SLC14A2: variants seen among roughly 807,000 people sequenced by gnomAD.
The protein encoded by SLC14A2 is solute carrier family 14 member 2.
Under a neutral mutation model 104.6 loss-of-function variants are expected in SLC14A2, and 91 were observed. That is an observed-to-expected ratio of 0.87 (90% CI 0.73 to 1.04). The LOEUF is 1.04. Among genes scored for constraint, SLC14A2 ranks in the 50% least tolerant of loss-of-function variants. The pLI, the probability that SLC14A2 is intolerant of heterozygous loss-of-function variation, is 0.00. For missense variants in SLC14A2, 1,189 were observed against 1,156.0 expected, an observed-to-expected ratio of 1.03 and a Z score of -0.41; for synonymous variants, 476 against 466.4, an observed-to-expected ratio of 1.02 and a Z score of -0.27.
intron 1 of SLC14A2, among the ~76,000 whole-genome samples, chr18:45,405,503 A>G (rs1201573223): frequency 6.6e-6 from 1 of 152,202 alleles, no homozygotes; most frequent in Non-Finnish European, 1.5e-5. Context: ...CCCAGTGCAT[A>G]TGAAAGTTAT....
chr18:45,298,185 G>A (rs2084934970), intron 1 of SLC14A2, among the ~76,000 whole-genome samples: 1 of 152,110 alleles, frequency 6.6e-6, no homozygotes, highest in Admixed American at 6.5e-5. Flanking sequence ...AAAATAGCAG[G>A]AGAGATCATT....
intron 1 of SLC14A2, among the ~76,000 whole-genome samples, chr18:45,453,180 C>A (rs1415460320): frequency 2.0e-5 from 3 of 152,242 alleles, no homozygotes; most frequent in Admixed American, 2.0e-4. Context: ...CCTGGGAAGC[C>A]CAGCCCTCAA....
At chr18:45,334,315 C>A (rs548203250) in intron 1 of SLC14A2, among the ~76,000 whole-genome samples, 39 of 152,298 alleles carry the variant, frequency 2.6e-4, no homozygotes, top group African/African-American at 9.4e-4. Flanking sequence ...CTTTAGACCC[C>A]AACCAGTAGC....
In SLC14A2 at chr18:45,548,222, C is replaced by T. The variant is rs115697278; in HGVS notation, c.-35+64900C>T. ...GCCTGCCCTGTGATGTCATCCTGGG[C>T]TTAGGCTAAGAATGGAGTTTGGAGT... On this transcript the variant is annotated intron_variant, in intron 2 of 20. Coordinates refer to the SLC14A2 transcript ENST00000586448. 2.7e-3 allele frequency among the ~76,000 whole-genome samples: 412 copies of T among 152,256 alleles called. 3 individuals are homozygous for T. The highest frequency in any genetic ancestry group is 9.0e-3 in the African/African-American group (375 of 41,546).
At chr18:45,495,102 T>C (rs752483027) in intron 2 of SLC14A2, among the ~76,000 whole-genome samples, 2 of 152,022 alleles carry the variant, frequency 1.3e-5, no homozygotes, top group Non-Finnish European at 2.9e-5. Context: ...CTGCATACGC[T>C]GCATCCTGTC....
chr18:45,437,913 CT>C (rs1309620275), intron 1 of SLC14A2, among the ~76,000 whole-genome samples: 1 of 152,194 alleles, frequency 6.6e-6, no homozygotes, highest in African/African-American at 2.4e-5. Context: ...ATGCGATACC[CT>C]GCTGTCTTCC....
At chr18:45,409,719 AT>A (rs1302104004) in intron 1 of SLC14A2, among the ~76,000 whole-genome samples, 2 of 152,060 alleles carry the variant, frequency 1.3e-5, no homozygotes, top group African/African-American at 4.8e-5. Context: ...GTAAAAAATG[AT>A]TTGTGCTTTT....
Position 45,668,545 on chromosome 18 carries a change from G to A in SLC14A2, c.2036+68G>A, listed in dbSNP as rs143719172. On this transcript the variant is annotated intron_variant, in intron 15 of 19. Transcript: ENST00000255226. The stretch of plus-strand genomic sequence containing the variant: ...ACCAACCTTTTCATCCCAATCCCAT[G>A]ACCGTCTGTCTAAACGTGATATTAA... 1.2e-3 allele frequency: 1,854 copies of A among 1,547,564 alleles called. 24 individuals are homozygous for A. The African/African-American group carries it at 0.022, about 18-fold the overall frequency.
intron 1 of SLC14A2, among the ~76,000 whole-genome samples, chr18:45,394,424 T>C (rs1270836103): frequency 1.3e-5 from 2 of 152,202 alleles, no homozygotes; most frequent in East Asian, 1.9e-4. Context: ...ATTAAATATA[T>C]ATGAAATTTG....
At chr18:45,672,395 G>A (rs892232416) in intron 16 of SLC14A2, among the ~76,000 whole-genome samples, 10 of 152,092 alleles carry the variant, frequency 6.6e-5, no homozygotes, top group South Asian at 2.1e-4. Context: ...CAGGCATGGC[G>A]GCATATGCCT....
intron 1 of SLC14A2, among the ~76,000 whole-genome samples, chr18:45,339,394 C>T (rs1377995296): frequency 2.6e-5 from 4 of 152,160 alleles, no homozygotes; most frequent in Non-Finnish European, 4.4e-5. Context: ...CTGGTCATAA[C>T]GAGAAATAAA....
the SLC14A2 span, among the ~76,000 whole-genome samples, chr18:45,202,922 AAGG>A: frequency 6.6e-6 from 1 of 152,182 alleles, no homozygotes. Flanking sequence ...AAAGAAAAAA[AAGG>A]AGGAAACCAT....
intron 1 of SLC14A2, among the ~76,000 whole-genome samples, chr18:45,420,539 A>G (rs1417393814): frequency 6.6e-6 from 1 of 152,178 alleles, no homozygotes; most frequent in East Asian, 1.9e-4. Flanking sequence ...AGAAGATGAT[A>G]CTACCCTGTT....
At chr18:45,396,619 T>A (rs1461041050) in intron 1 of SLC14A2, among the ~76,000 whole-genome samples, 4 of 143,710 alleles carry the variant, frequency 2.8e-5, no homozygotes, top group Non-Finnish European at 5.9e-5. Context: ...TCAACCTGGT[T>A]TTTTTTTGTT....
chr18:45,597,069 G>A lies in SLC14A2; in HGVS notation c.-34-27562G>A, dbSNP rs568317113. Reference sequence around the variant, plus strand: ...CAGCCGGGCACGGTGGCTCATGCCAGCACGTTGGGAGGCCGAGGCGGGTGG... The same window carrying A: ...CAGCCGGGCACGGTGGCTCATGCCAACACGTTGGGAGGCCGAGGCGGGTGG... On this transcript the variant is annotated intron_variant, in intron 2 of 20. Transcript: ENST00000586448. Among the ~76,000 whole-genome samples, 4 of 152,364 alleles carry A rather than the reference G, an allele frequency of 2.6e-5. No individual in the cohort carries two copies. The East Asian group carries it at 7.7e-4, about 29-fold the overall frequency.
intron 1 of SLC14A2, among the ~76,000 whole-genome samples, chr18:45,234,035 A>G (rs1453176481): frequency 6.6e-6 from 1 of 152,054 alleles, no homozygotes; most frequent in Non-Finnish European, 1.5e-5. Flanking sequence ...CCTTCCAGGT[A>G]TTATCAGAGG....
intron 1 of SLC14A2, among the ~76,000 whole-genome samples, chr18:45,301,531 G>A (rs1024901054): frequency 6.6e-6 from 1 of 152,184 alleles, no homozygotes; most frequent in Non-Finnish European, 1.5e-5. Flanking sequence ...GCCATAGATG[G>A]TGTAACTGAT....
chr18:45,352,533 C>T (rs184274192), intron 1 of SLC14A2, among the ~76,000 whole-genome samples: 78 of 152,272 alleles, frequency 5.1e-4, no homozygotes, highest in Admixed American at 1.6e-3. Flanking sequence ...CCTAGGCACT[C>T]GGGCTAGATT....
At chr18:45,579,439 A>G (rs562559021) in intron 2 of SLC14A2, among the ~76,000 whole-genome samples, 1 of 152,372 alleles carries the variant, frequency 6.6e-6, no homozygotes, top group South Asian at 2.1e-4. Context: ...TGATGCTCTC[A>G]GATACATTCA....
Sources: allele counts gnomAD v4.1 joint callset (sites outside exome capture counted in the v4.1 genomes callset), GRCh38; gene constraint gnomAD v4.1.1; transcripts MANE v1.5; gene names NCBI Gene and HGNC (gene_info 2026-07-23, HGNC 2026-07-21).